NPEPPS: variants seen among roughly 807,000 people sequenced by gnomAD.
The protein encoded by NPEPPS is aminopeptidase puromycin sensitive, also known as puromycin-sensitive aminopeptidase.
NPEPPS carries 14 observed loss-of-function variants against 115.5 expected under a neutral mutation model. The observed-to-expected ratio is 0.12, with a 90% confidence interval of 0.08 to 0.19. The LOEUF is 0.19. NPEPPS is among the 10% of genes least tolerant of loss of function. The probability of loss-of-function intolerance (pLI) is 1.00; values close to 1 mark genes in which losing one functional copy is unlikely to be tolerated. For missense variants in NPEPPS, 523 were observed against 1,110.8 expected, an observed-to-expected ratio of 0.47 and a Z score of 7.52; for synonymous variants, 285 against 390.6, an observed-to-expected ratio of 0.73 and a Z score of 3.19.
At chr17:47,574,902 C>T (rs1369854570) in intron 3 of NPEPPS, among the ~76,000 whole-genome samples, 1 of 152,084 alleles carries the variant, frequency 6.6e-6, no homozygotes, top group Non-Finnish European at 1.5e-5. Context: ...GCCACTACGC[C>T]AGCCAGATTC....
intron 2 of NPEPPS, among the ~76,000 whole-genome samples, chr17:47,551,977 T>C (rs1909684417): frequency 7.8e-6 from 1 of 127,578 alleles, no homozygotes; most frequent in Non-Finnish European, 1.8e-5. Flanking sequence ...TTTTTTTTTT[T>C]TTTCTTTTTT....
At chr17:47,619,629 A>G in intron 21 of NPEPPS, 108 bp from the exon 22 acceptor site, 4 of 897,748 alleles carry the variant, frequency 4.5e-6, no homozygotes, top group Non-Finnish European at 7.4e-6. Flanking sequence ...CACATCCTTT[A>G]TAACAGACTG....
intron 1 of NPEPPS, among the ~76,000 whole-genome samples, chr17:47,541,203 G>A (rs1202087956): frequency 1.3e-5 from 2 of 152,144 alleles, no homozygotes; most frequent in African/African-American, 4.8e-5. Flanking sequence ...TGGCTACTGT[G>A]AAATTCACTG....
At chr17:47,581,435 A>G (rs1319535237) in intron 4 of NPEPPS, 2 of 152,130 alleles carry the variant, frequency 1.3e-5, no homozygotes, top group African/African-American at 2.4e-5. Context: ...CTCTCAAATT[A>G]TGTTTAATTG....
At chr17:47,602,969 A>G (rs920301682) in intron 15 of NPEPPS, among the ~76,000 whole-genome samples, 3 of 152,214 alleles carry the variant, frequency 2.0e-5, no homozygotes, top group African/African-American at 7.2e-5. Flanking sequence ...AAGGGAATCA[A>G]TAAAGTGATA....
intron 22 of NPEPPS, chr17:47,620,253 G>C (rs2143994268): frequency 6.7e-6 from 1 of 149,466 alleles, no homozygotes; most frequent in Admixed American, 6.7e-5. Context: ...AAAATGGAAA[G>C]CCTTCGAATG....
At chr17:47,548,876 G>C (rs1909429671) in intron 2 of NPEPPS, among the ~76,000 whole-genome samples, 1 of 151,856 alleles carries the variant, frequency 6.6e-6, no homozygotes, top group African/African-American at 2.4e-5. Context: ...CGCCCGACCT[G>C]ACTGAAAAGT....
chr17:47,606,059 T>G (rs1202633614), intron 17 of NPEPPS, among the ~76,000 whole-genome samples: 1 of 152,088 alleles, frequency 6.6e-6, no homozygotes, highest in Non-Finnish European at 1.5e-5. Context: ...ATATTTATAA[T>G]AGAGATGGGG....
At chr17:47,547,253 C>T (rs894035763) in intron 2 of NPEPPS, among the ~76,000 whole-genome samples, 2 of 152,116 alleles carry the variant, frequency 1.3e-5, no homozygotes, top group African/African-American at 4.8e-5. Flanking sequence ...TCCATTTTGA[C>T]TGGAAATCTT....
At chr17:47,578,688 A>G (rs1271320328) in intron 3 of NPEPPS, among the ~76,000 whole-genome samples, 1 of 152,034 alleles carries the variant, frequency 6.6e-6, no homozygotes, top group East Asian at 1.9e-4. Flanking sequence ...TCAGATTTCA[A>G]ATGATTGAGG....
intron 2 of NPEPPS, chr17:47,548,114 C>T (rs1302120793): frequency 1.3e-5 from 2 of 152,104 alleles, no homozygotes; most frequent in East Asian, 3.8e-4. Context: ...CTCTCCTTTA[C>T]ATTATACTGA....
At position 47,585,496 on chromosome 17, in the gene NPEPPS, A is replaced by G; in HGVS notation, c.649-4A>G. The G allele has an allele frequency of 6.2e-7, 1 of 1,607,942 alleles. No individual in the cohort carries two copies. The highest frequency in any genetic ancestry group is 2.2e-5 in the East Asian group (1 of 44,846). ...TAAATTTTTCTTTTTTTTATTTCTT[A>G]AAGAATGTAATTGACCGGAAACCAT... On this transcript the variant is annotated splice_region_variant and splice_polypyrimidine_tract_variant and intron_variant, in intron 5 of 22. Coordinates refer to ENST00000322157, the MANE Select transcript of NPEPPS (RefSeq NM_006310.4).
At chr17:47,523,489 T>A (rs1907302582) in intron 1 of NPEPPS, among the ~76,000 whole-genome samples, 1 of 151,966 alleles carries the variant, frequency 6.6e-6, no homozygotes. Context: ...GGCGTGATCT[T>A]GACTCACTGC....
chr17:47,568,316 G>A (rs1473086405), intron 2 of NPEPPS, among the ~76,000 whole-genome samples: 5 of 152,074 alleles, frequency 3.3e-5, no homozygotes, highest in African/African-American at 7.2e-5. Context: ...GATTAGAGGC[G>A]TTTGCCACCA....
At chr17:47,585,043 G>C (rs1226519543) in intron 5 of NPEPPS, among the ~76,000 whole-genome samples, 3 of 152,098 alleles carry the variant, frequency 2.0e-5, no homozygotes, top group Admixed American at 2.0e-4. Flanking sequence ...TAGCCAGGAT[G>C]GTCTTGATCT....
intron 21 of NPEPPS, chr17:47,619,390 C>G (rs1260914240): frequency 1.8e-6 from 1 of 542,464 alleles, no homozygotes. Flanking sequence ...CCTGTCCCTA[C>G]TAAAAATACA....
Position 47,590,866 on chromosome 17 carries a change from C to A in NPEPPS, c.1245C>A (p.Asn415Lys), listed in dbSNP as rs752570522. Residue 415 changes from asparagine to lysine, a missense_variant, in exon 10 of 23, where the codon AAC (asparagine) becomes AAA (lysine). Coordinates refer to ENST00000322157, the MANE Select transcript of NPEPPS (RefSeq NM_006310.4). ...TRAQELDALD[N>K]SHPIEVSVGH... ...CCCAGGAGCTTGACGCCTTAGATAA[C>A]AGCCATCCTATTGAAGTGAGCCATA... 2 of 1,583,708 alleles carry A rather than the reference C, an allele frequency of 1.3e-6. No homozygotes were observed. The highest frequency in any genetic ancestry group is 3.6e-5 in the Admixed American group (2 of 55,992).
chr17:47,588,116 A>G (rs987959743), intron 9 of NPEPPS, among the ~76,000 whole-genome samples: 1 of 152,194 alleles, frequency 6.6e-6, no homozygotes, highest in African/African-American at 2.4e-5. Flanking sequence ...TTGAATGTAG[A>G]TTGAGTCCAT....
At chr17:47,559,576 G>A (rs765836479) in intron 2 of NPEPPS, 18 of 446,440 alleles carry the variant, frequency 4.0e-5, no homozygotes, top group Middle Eastern at 6.7e-4. Flanking sequence ...TTTGTTCCCC[G>A]TTGGTTACTA....
Sources: gnomAD v4.1 joint callset for allele counts (sites outside exome capture counted in the v4.1 genomes callset) on GRCh38, gnomAD v4.1.1 for gene constraint, MANE v1.5 for transcripts, NCBI Gene and HGNC (gene_info 2026-07-23, HGNC 2026-07-21) for gene names.